ISM1: variants seen among roughly 807,000 people sequenced by gnomAD.
The protein encoded by ISM1 is isthmin 1.
ISM1 carries 25 observed loss-of-function variants against 46.3 expected under a neutral mutation model. The ratio of observed to expected loss-of-function variants is 0.54; its 90% CI spans 0.39 to 0.75. ISM1 has a LOEUF of 0.75. Ranked by LOEUF, ISM1 falls within the 30% of genes least tolerant of loss-of-function variation. The pLI is 0.00. For synonymous variants in ISM1, 255 were observed against 256.7 expected, an observed-to-expected ratio of 0.99 and a Z score of 0.06; for missense variants, 536 against 625.4, an observed-to-expected ratio of 0.86 and a Z score of 1.52.
intron 1 of ISM1, among the ~76,000 whole-genome samples, chr20:13,266,917 G>A (rs949582511): frequency 6.6e-6 from 1 of 152,186 alleles, no homozygotes; most frequent in Non-Finnish European, 1.5e-5. Flanking sequence ...GGACCTCCAA[G>A]GGGGGCTCTG....
the ISM1 span, among the ~76,000 whole-genome samples, chr20:13,316,007 G>A: frequency 4.0e-5 from 6 of 151,818 alleles, no homozygotes; most frequent in African/African-American, 1.4e-4. Flanking sequence ...GTGCTTAAAG[G>A]GAAACTCTGA....
At chr20:13,315,939 T>C in the ISM1 span, among the ~76,000 whole-genome samples, 1 of 151,922 alleles carries the variant, frequency 6.6e-6, no homozygotes, top group Non-Finnish European at 1.5e-5. Flanking sequence ...TTAAACACTT[T>C]GAACTAAATG....
the ISM1 span, among the ~76,000 whole-genome samples, chr20:13,306,564 C>CAAAAAAAAAAAAAAAAAAAG: frequency 3.1e-5 from 2 of 63,914 alleles, no homozygotes; most frequent in Non-Finnish European, 5.3e-5. Flanking sequence ...GGAGAAAGGA[C>CAAAAAAAAAAAAAAAAAAAG]AAAAAAAAAA....
At chr20:13,306,758 T>C in the ISM1 span, among the ~76,000 whole-genome samples, 1 of 152,002 alleles carries the variant, frequency 6.6e-6, no homozygotes, top group African/African-American at 2.4e-5. Context: ...AATCCTCCCT[T>C]AGAGCTGTCA....
downstream of ISM1, among the ~76,000 whole-genome samples, chr20:13,305,188 C>A (rs558498702): frequency 1.6e-5 from 2 of 127,404 alleles, no homozygotes; most frequent in African/African-American, 2.9e-5. Context: ...ATTTTAATAC[C>A]GTTGAGTTGT....
At chr20:13,313,447 G>A in the ISM1 span, among the ~76,000 whole-genome samples, 7 of 152,270 alleles carry the variant, frequency 4.6e-5, no homozygotes, top group East Asian at 1.9e-4. Context: ...AGGTAAACAC[G>A]GAGCCGTAGT....
chr20:13,244,673 T>G (rs2123174246), intron 1 of ISM1, among the ~76,000 whole-genome samples: 1 of 152,372 alleles, frequency 6.6e-6, no homozygotes, highest in Middle Eastern at 3.4e-3. Context: ...ATAATGTGGT[T>G]TCTTCAAAAT....
chr20:13,254,058 TA>T (rs34371292), intron 1 of ISM1, among the ~76,000 whole-genome samples: 31,270 of 116,040 alleles, frequency 0.27, 3,971 homozygotes, highest in East Asian at 0.55. Context: ...TCATCTCTAC[TA>T]AAAAAAAAAA....
At chr20:13,245,156 T>C (rs2039778587) in intron 1 of ISM1, 1 of 152,208 alleles carries the variant, frequency 6.6e-6, no homozygotes, top group Non-Finnish European at 1.5e-5. Context: ...AATTACCCTA[T>C]ACTTATGCTA....
chr20:13,307,077 T>G, the ISM1 span, among the ~76,000 whole-genome samples: 7 of 152,184 alleles, frequency 4.6e-5, no homozygotes, highest in African/African-American at 1.4e-4. Context: ...AGATAAAGGC[T>G]TGTTCACACT....
At chr20:13,293,489 T>C (rs1041980764) in intron 5 of ISM1, among the ~76,000 whole-genome samples, 4 of 151,950 alleles carry the variant, frequency 2.6e-5, no homozygotes, top group African/African-American at 9.7e-5. Context: ...AGTCAAAATT[T>C]AGCAGTCCTG....
At chr20:13,277,471 G>A (rs756422741) in intron 2 of ISM1, among the ~76,000 whole-genome samples, 4 of 152,090 alleles carry the variant, frequency 2.6e-5, no homozygotes, top group Non-Finnish European at 5.9e-5. Flanking sequence ...GCATCGCCCT[G>A]TCACTGCCCA....
chr20:13,242,292 C>T lies in ISM1; in HGVS notation c.138+20378C>T, dbSNP rs1454452169. ...GCCAGAAGCTGGGCTTTTAGATGAA[C>T]GGAGAATGACCAGAAACTCCACAGA... On this transcript the variant is annotated intron_variant, in intron 1 of 5. Transcript: ENST00000262487. 7.2e-5 allele frequency among the ~76,000 whole-genome samples: 11 copies of T among 152,190 alleles called. 1 individual carries two copies. Among genetic ancestry groups the T allele is most frequent in the South Asian group, 4.2e-4 (2 of 4,818 alleles).
chr20:13,311,149 A>T, the ISM1 span, among the ~76,000 whole-genome samples: 1 of 152,152 alleles, frequency 6.6e-6, no homozygotes, highest in Non-Finnish European at 1.5e-5. Flanking sequence ...AGCTGAGATC[A>T]TGCCATTGCA....
chr20:13,325,405 A>C, the ISM1 span, among the ~76,000 whole-genome samples: 1 of 152,322 alleles, frequency 6.6e-6, no homozygotes, highest in South Asian at 2.1e-4. Context: ...TCCATAAATA[A>C]AATGGGAAGA....
chr20:13,314,977 A>G, the ISM1 span, among the ~76,000 whole-genome samples: 1 of 152,106 alleles, frequency 6.6e-6, no homozygotes, highest in Admixed American at 6.6e-5. Context: ...GACTTGGATT[A>G]GTTGTAAATG....
At chr20:13,318,003 A>G in the ISM1 span, among the ~76,000 whole-genome samples, 17 of 152,226 alleles carry the variant, frequency 1.1e-4, no homozygotes, top group South Asian at 3.5e-3. Flanking sequence ...GCATGAAAAA[A>G]CAAGCCAAAG....
intron 2 of ISM1, among the ~76,000 whole-genome samples, chr20:13,278,313 T>A (rs1300847964): frequency 6.6e-6 from 1 of 152,200 alleles, no homozygotes; most frequent in African/African-American, 2.4e-5. Context: ...TCCAGGACTA[T>A]CTGCTCTGAC....
the ISM1 span, among the ~76,000 whole-genome samples, chr20:13,321,650 A>G: frequency 4.6e-5 from 7 of 152,248 alleles, no homozygotes; most frequent in African/African-American, 7.2e-5. Flanking sequence ...CCTGGCACAC[A>G]CAGTGAGCTC....
Sources: allele counts gnomAD v4.1 joint callset (sites outside exome capture counted in the v4.1 genomes callset), GRCh38; gene constraint gnomAD v4.1.1; transcripts MANE v1.5; gene names NCBI Gene and HGNC (gene_info 2026-07-23, HGNC 2026-07-21).